FANCA: variants seen among roughly 807,000 people sequenced by gnomAD.
FANCA encodes the protein FA complementation group A, also known as Fanconi anemia group A protein.
A neutral mutation model predicts 194.3 loss-of-function variants in FANCA; 236 were observed. The observed-to-expected ratio is 1.21, with a 90% CI of 1.09 to 1.35. The LOEUF (loss-of-function observed/expected upper bound fraction) is 1.35. Among genes scored for constraint, FANCA ranks in the 40% most tolerant of loss-of-function variants. FANCA has a pLI of 0.00. For missense variants in FANCA, 2,628 were observed against 1,813.9 expected (o/e 1.45, Z -8.15); for synonymous variants, 1,014 against 715.8 (o/e 1.42, Z -6.65).
chr16:89,776,150 T>C (rs2039493735), intron 20 of FANCA, among the ~76,000 whole-genome samples: 2 of 145,052 alleles, frequency 1.4e-5, no homozygotes, highest in African/African-American at 2.6e-5. Context: ...AACACGAATC[T>C]TTGTTTTTCT....
At chr16:89,764,301 GTATT>G (rs2039051951) in intron 28 of FANCA, among the ~76,000 whole-genome samples, 4 of 152,170 alleles carry the variant, frequency 2.6e-5, no homozygotes, top group Admixed American at 2.6e-4. Flanking sequence ...GGGTTTCTCT[GTATT>G]TATTAATATA....
At chr16:89,766,211 G>A (rs1355095042) in intron 27 of FANCA, among the ~76,000 whole-genome samples, 1 of 151,514 alleles carries the variant, frequency 6.6e-6, no homozygotes, top group Non-Finnish European at 1.5e-5. Context: ...TGGCCAGGCT[G>A]GTCTCGATCT....
At position 89,746,948 on chromosome 16, in the gene FANCA, A is replaced by G. The variant is rs906423097; in HGVS notation, c.3349-58T>C. 2.1e-6 allele frequency: 3 copies of G among 1,430,856 alleles called. No individual in the cohort carries two copies. The African/African-American group carries it at 4.3e-5, about 20-fold the overall frequency. 88.6% of individuals were successfully genotyped at this position (1,430,856 alleles called of 1,614,324 possible). A position where few individuals can be genotyped will look rare whatever the true frequency, so the allele number is the denominator to read the frequency against. On this transcript the variant is annotated intron_variant, in intron 33 of 42. Coordinates refer to ENST00000389301, the MANE Select transcript of FANCA (RefSeq NM_000135.4). Reference sequence around the variant, plus strand: ...CCACAGGAAGAGAGGCGAGACCAACATGCAGAGTGGCTGCTGTGGATTCAG... The same window carrying G: ...CCACAGGAAGAGAGGCGAGACCAACGTGCAGAGTGGCTGCTGTGGATTCAG...
At position 89,814,541 on chromosome 16, in the gene FANCA, T is replaced by A. The variant is rs913466405; in HGVS notation, c.262A>T (p.Asn88Tyr). The change falls in exon 3 of 43, where the codon AAT becomes TAT. Residue 88 changes from asparagine to tyrosine, a missense_variant. Asn to Tyr is a moderately radical substitution (Grantham distance 143). Coordinates refer to ENST00000389301, the MANE Select transcript of FANCA (RefSeq NM_000135.4). ...TTACCTATAAATGAACTAGAATGAT[T>A]AGCATAGGCCTCAGAACTGTCACAG... Reference protein sequence around the residue: ...IDCDSSEAYANHSSSFIGSAL... With the variant: ...IDCDSSEAYAYHSSSFIGSAL... 4.3e-6 allele frequency: 7 copies of A among 1,613,096 alleles called. No homozygotes were observed. The highest frequency in any genetic ancestry group is 1.1e-5 in the South Asian group (1 of 91,052).
At chr16:89,740,669 GTTCTCACTCACAC>G (rs2062109228) in intron 38 of FANCA, 122 bp downstream of exon 38, 1 of 697,600 alleles carries the variant, frequency 1.4e-6, no homozygotes, top group Non-Finnish European at 2.5e-6. Flanking sequence ...CGGCCTGGGA[GTTCTCACTCACAC>G]TTCCGCAAAC....
chr16:89,777,705 G>C (rs2039557120), intron 20 of FANCA, among the ~76,000 whole-genome samples: 1 of 151,892 alleles, frequency 6.6e-6, no homozygotes. Context: ...TTTCTTACTA[G>C]AAACCTGCAA....
chr16:89,792,342 G>A, intron 12 of FANCA, 129 bp downstream of exon 12: 1 of 1,053,268 alleles, frequency 9.5e-7, no homozygotes, highest in Non-Finnish European at 1.5e-6. Context: ...GATGAGGACA[G>A]CCACATCTCA....
intron 36 of FANCA, among the ~76,000 whole-genome samples, chr16:89,743,459 C>T (rs2062180776): frequency 6.6e-6 from 1 of 152,220 alleles, no homozygotes; most frequent in South Asian, 2.1e-4. Context: ...AATCATAGCA[C>T]TTCAGGAGGA....
intron 20 of FANCA, among the ~76,000 whole-genome samples, 184 bp from the exon 21 acceptor site, chr16:89,775,999 G>A (rs1407048307): frequency 6.6e-6 from 1 of 151,434 alleles, no homozygotes; most frequent in Non-Finnish European, 1.5e-5. Flanking sequence ...AAAAAGCACT[G>A]TTTCAAAATA....
In FANCA at chr16:89,816,544, C is replaced by T. The variant is rs1415989135; in HGVS notation, c.72G>A (p.Glu24=). The T allele has an allele frequency of 9.3e-6, 14 of 1,499,560 alleles. No individual in the cohort carries two copies. Among genetic ancestry groups the T allele is most frequent in the Non-Finnish European group, 1.1e-5 (12 of 1,131,612 alleles). 92.9% of individuals were successfully genotyped at this position (1,499,560 alleles called of 1,614,324 possible). A position where few individuals can be genotyped will look rare whatever the true frequency, so the allele number is the denominator to read the frequency against. ...DPGGRRRAWA[E]LLAGRVKREK... ...CCTGCCGCGCCCACCTACCCAGCAG[C>T]TCGGCCCAGGCCCTCCGGCGGCCCC... Residue 24 remains glutamate, a synonymous_variant, in exon 1 of 43, where the codon GAG becomes GAA. Transcript: ENST00000389301.
At chr16:89,779,816 C>A in intron 18 of FANCA, 53 bp downstream of exon 18, 3 of 1,455,110 alleles carry the variant, frequency 2.1e-6, no homozygotes, top group Non-Finnish European at 2.9e-6. Context: ...GGCATCAGAG[C>A]GCGGTCTGCA....
intron 27 of FANCA, 63 bp downstream of exon 27, chr16:89,767,078 C>A (rs1219624346): frequency 1.9e-5 from 26 of 1,350,726 alleles, no homozygotes; most frequent in Non-Finnish European, 2.4e-5. Context: ...GCCTTCCGGT[C>A]CGAAAGCTGC....
chr16:89,795,602 C>T (rs976494574), intron 11 of FANCA, among the ~76,000 whole-genome samples: 20 of 152,200 alleles, frequency 1.3e-4, no homozygotes, highest in Non-Finnish European at 2.9e-4. Flanking sequence ...CACGCCACTG[C>T]ACTCCAGCAT....
intron 5 of FANCA, among the ~76,000 whole-genome samples, chr16:89,809,265 T>C (rs1040559026): frequency 6.6e-6 from 1 of 152,126 alleles, no homozygotes; most frequent in African/African-American, 2.4e-5. Context: ...CAATCTGATA[T>C]GCATGTCCAA....
rs2040315665 is a variant in FANCA at position 89,798,242 on chromosome 16, C to T, written c.893+924G>A. ...TCACCAGAACCCAACCCTAGGGGCA[C>T]CCTGACCTCCAACTTCCAGCCTCCA... On this transcript the variant is annotated intron_variant, in intron 10 of 42. Transcript: ENST00000389301. 1.8e-5 allele frequency: 13 copies of T among 703,480 alleles called. No homozygotes were observed. The South Asian group carries it at 5.8e-4, about 32-fold the overall frequency. 43.6% of individuals were successfully genotyped at this position (703,480 alleles called of 1,614,324 possible).
chr16:89,748,276 A>C (rs938342077), intron 33 of FANCA, among the ~76,000 whole-genome samples: 61 of 152,148 alleles, frequency 4.0e-4, no homozygotes, highest in African/African-American at 1.4e-3. Flanking sequence ...GCTGCCTGGC[A>C]GGCAACAGCG....
At chr16:89,803,769 C>T (rs1405208274) in intron 7 of FANCA, among the ~76,000 whole-genome samples, 3 of 152,032 alleles carry the variant, frequency 2.0e-5, no homozygotes, top group Non-Finnish European at 2.9e-5. Context: ...ATATAGGCGC[C>T]GCCACCACAC....
intron 36 of FANCA, among the ~76,000 whole-genome samples, chr16:89,744,194 CCCT>C (rs2062194755): frequency 6.6e-6 from 1 of 152,198 alleles, no homozygotes; most frequent in African/African-American, 2.4e-5. Context: ...CGCGCCGGGG[CCCT>C]CTTCTCTTCT....
chr16:89,741,867 A>C (rs6500439), intron 37 of FANCA, among the ~76,000 whole-genome samples: 81,782 of 152,046 alleles, frequency 0.54, 24,439 homozygotes, highest in East Asian at 0.98. Context: ...GGCTGACAGC[A>C]TTTACGCTGG....
Sources: gnomAD v4.1 joint callset for allele counts (sites outside exome capture counted in the v4.1 genomes callset) on GRCh38, gnomAD v4.1.1 for gene constraint, MANE v1.5 for transcripts, NCBI Gene and HGNC (gene_info 2026-07-23, HGNC 2026-07-21) for gene names.